The following USP6 variants were observed in gnomAD, a reference collection of about 807,000 sequenced individuals.
USP6 encodes the protein ubiquitin carboxyl-terminal hydrolase 6.
Under a neutral mutation model 175.7 loss-of-function variants are expected in USP6, and 128 were observed. The observed-to-expected ratio is 0.73, with a 90% CI of 0.63 to 0.84. The LOEUF (loss-of-function observed/expected upper bound fraction) is 0.84, where lower values mean the gene tolerates loss of function less well. Among genes scored for constraint, USP6 ranks in the 40% least tolerant of loss-of-function variants. USP6 has a pLI of 0.00. For synonymous variants in USP6, 562 were observed against 630.6 expected (o/e 0.89, Z 1.63); for missense variants, 1,498 against 1,760.3 (o/e 0.85, Z 2.67).
chr17:5,167,061 A>C (rs2074110203), intron 33 of USP6, among the ~76,000 whole-genome samples: 3 of 152,156 alleles, frequency 2.0e-5, no homozygotes, highest in Non-Finnish European at 4.4e-5. Context: ...ATAATTATAG[A>C]CTTGGTATTC....
intron 30 of USP6, among the ~76,000 whole-genome samples, chr17:5,151,427 C>CTTCG (rs2073766844): frequency 1.7e-5 from 2 of 120,782 alleles, no homozygotes; most frequent in African/African-American, 7.5e-5. Context: ...AATGCAAAGT[C>CTTCG]TGCATGTGTG....
Position 5,143,291 on chromosome 17 carries a change from T to C in USP6, c.1818+789T>C, listed in dbSNP as rs536736526. The stretch of plus-strand genomic sequence containing the variant: ...CATTGAGAACGGGCCATGACGACAA[T>C]GGCGGTTTTGTGGAATAGAAAAGGG... On this transcript the variant is annotated intron_variant, in intron 25 of 37. Transcript: ENST00000574788. 2.3e-3 allele frequency among the ~76,000 whole-genome samples: 347 copies of C among 152,234 alleles called. 1 individual carries two copies. Among genetic ancestry groups the C allele is most frequent in the African/African-American group, 8.0e-3 (334 of 41,546 alleles).
At chr17:5,172,704 T>A in intron 37 of USP6, 101 bp from the exon 38 acceptor site, 1 of 1,503,336 alleles carries the variant, frequency 6.7e-7, no homozygotes, top group Non-Finnish European at 9.0e-7. Flanking sequence ...TTGGAAGCAA[T>A]CAGGTTAGTA....
chr17:5,149,052 C>T (rs933210537), intron 30 of USP6, among the ~76,000 whole-genome samples: 2 of 152,016 alleles, frequency 1.3e-5, no homozygotes, highest in African/African-American at 2.4e-5. Context: ...ATTCCTCATC[C>T]GTATATTAAG....
At chr17:5,146,773 T>C (rs1304134111) in intron 28 of USP6, among the ~76,000 whole-genome samples, 1 of 152,156 alleles carries the variant, frequency 6.6e-6, no homozygotes, top group Middle Eastern at 3.2e-3. Flanking sequence ...ATTTTCTTAA[T>C]ATGAAATGCA....
rs2073676049 is a variant in USP6, at chr17:5,148,612, C to T, written c.2488C>T (p.Leu830=). 1 of 1,613,950 alleles carries T rather than the reference C, an allele frequency of 6.2e-7. No homozygotes were observed. The highest frequency in any genetic ancestry group is 8.5e-7 in the Non-Finnish European group (1 of 1,179,856). The change falls in exon 30 of 38, where the codon CTA becomes TTA. Residue 830 remains leucine (L), a synonymous_variant. Transcript: ENST00000574788. ...GTTCACCCTAACTACCAATGGGGAC[C>T]TACCCAAACCAATATTCATCCCCAA... ...GMFTLTTNGD[L]PKPIFIPNGM... is the part of the protein sequence containing the mutation.
intron 33 of USP6, among the ~76,000 whole-genome samples, chr17:5,164,092 C>T (rs1472942318): frequency 6.6e-6 from 1 of 152,214 alleles, no homozygotes; most frequent in Non-Finnish European, 1.5e-5. Flanking sequence ...CCTTAAGTCA[C>T]ATGAGGAATT....
intron 30 of USP6, among the ~76,000 whole-genome samples, chr17:5,149,783 A>G (rs11078549): frequency 0.74 from 112,745 of 151,848 alleles, 42,689 homozygotes; most frequent in Non-Finnish European, 0.81. Flanking sequence ...ATATATAACT[A>G]TTGCATTAAA....
intron 30 of USP6, 152 bp downstream of exon 30, chr17:5,148,919 A>C: frequency 7.2e-7 from 1 of 1,384,556 alleles, no homozygotes; most frequent in South Asian, 1.7e-5. Flanking sequence ...TTATTTTTTT[A>C]CTTTTCTATC....
At chr17:5,151,466 G>T (rs903544870) in intron 30 of USP6, among the ~76,000 whole-genome samples, 2 of 147,250 alleles carry the variant, frequency 1.4e-5, no homozygotes, top group South Asian at 2.2e-4. Context: ...TGTGTGTGTG[G>T]TGTGTGTGAG....
chr17:5,131,079 C>T (rs1035758823), intron 11 of USP6, among the ~76,000 whole-genome samples: 21 of 152,198 alleles, frequency 1.4e-4, no homozygotes, highest in Admixed American at 1.3e-3. Context: ...GGCTGTTGTC[C>T]AGCAGGTCTC....
In USP6 at chr17:5,149,756, C is replaced by T. The variant is rs1598056159; in HGVS notation, c.2643+989C>T. Among the ~76,000 whole-genome samples, 20 of 151,384 alleles carry T rather than the reference C, an allele frequency of 1.3e-4. No homozygotes were observed. In the South Asian group the frequency reaches 4.0e-3, roughly 30 times the overall value. On this transcript the variant is annotated intron_variant, in intron 30 of 37. Coordinates refer to ENST00000574788, the MANE Select transcript of USP6 (RefSeq NM_001304284.2). ...CGGCAAAATCAAGTTGTGCATAATT[C>T]CTTTCTTGATAGTCTAATATATAAC...
In USP6 at chr17:5,146,014, C is replaced by T. The variant is rs2073598233; in HGVS notation, c.2168-9C>T. On this transcript the variant is annotated splice_polypyrimidine_tract_variant and intron_variant, in intron 27 of 37. Transcript: ENST00000574788. Reference sequence around the variant, plus strand: ...ATTTTACTGATAAAAGATCTTTTCTCTTTACTAGTGATTAAGTTAGATGGT... The same window carrying T: ...ATTTTACTGATAAAAGATCTTTTCTTTTTACTAGTGATTAAGTTAGATGGT... The T allele has an allele frequency of 5.7e-6, 9 of 1,575,278 alleles. No individual in the cohort carries two copies. Among genetic ancestry groups the T allele is most frequent in the Non-Finnish European group, 6.9e-6 (8 of 1,159,276 alleles).
intron 37 of USP6, among the ~76,000 whole-genome samples, chr17:5,172,087 A>C (rs1470439853): frequency 2.0e-5 from 3 of 151,762 alleles, no homozygotes; most frequent in Middle Eastern, 3.2e-3. Context: ...AGGCAGGAGA[A>C]TGGCTTGAAC....
intron 33 of USP6, among the ~76,000 whole-genome samples, chr17:5,165,114 A>AT (rs2074072964): frequency 6.6e-6 from 1 of 152,244 alleles, no homozygotes; most frequent in African/African-American, 2.4e-5. Context: ...AAAGTTGCAT[A>AT]TACTGGAAAT....
In USP6 at chr17:5,139,271, G is replaced by T. The variant is rs370969645; in HGVS notation, c.1095G>T (p.Gly365=). ...DLPPPAKREQ[G]SLAPRPVPAS... ...TCCTTTCAGCCAAACGCGAGCAAGG[G>T]TCCTTGGCACCCAGGCCTGTGCCGG... Residue 365 remains glycine, a synonymous_variant, in exon 22 of 38, where the codon GGG becomes GGT. Transcript: ENST00000574788. 17 of 1,603,360 alleles carry T rather than the reference G, an allele frequency of 1.1e-5. No homozygotes were observed. Among genetic ancestry groups the T allele is most frequent in the African/African-American group, 2.7e-5 (2 of 74,948 alleles).
chr17:5,171,941 T>G (rs1408568340), intron 37 of USP6, among the ~76,000 whole-genome samples: 4 of 147,550 alleles, frequency 2.7e-5, no homozygotes, highest in African/African-American at 1.0e-4. Flanking sequence ...TGAGGCAGGC[T>G]TAGGAGGTGG....
At chr17:5,156,343 T>C (rs1014933224) in intron 31 of USP6, among the ~76,000 whole-genome samples, 16 of 152,148 alleles carry the variant, frequency 1.1e-4, no homozygotes, top group African/African-American at 3.6e-4. Context: ...GTTTTGCTCT[T>C]GTTGCCCAGG....
chr17:5,143,493 C>T (rs1460737225), intron 25 of USP6, among the ~76,000 whole-genome samples: 1 of 151,632 alleles, frequency 6.6e-6, no homozygotes, highest in Middle Eastern at 3.4e-3. Flanking sequence ...GCTGTGTCCA[C>T]TCAGGGTTAA....
Sources: gnomAD v4.1 joint callset for allele counts (sites outside exome capture counted in the v4.1 genomes callset) on GRCh38, gnomAD v4.1.1 for gene constraint, MANE v1.5 for transcripts, NCBI Gene and HGNC (gene_info 2026-07-23, HGNC 2026-07-21) for gene names.